SESTD1: variants seen among roughly 807,000 people sequenced by gnomAD.
The protein encoded by SESTD1 is SEC14 and spectrin domain containing 1.
SESTD1 carries 43 observed loss-of-function variants against 101.7 expected under a neutral mutation model. That is an observed-to-expected ratio of 0.42 (90% CI 0.33 to 0.55). The LOEUF (loss-of-function observed/expected upper bound fraction) is 0.55. Among genes scored for constraint, SESTD1 ranks in the 20% least tolerant of loss-of-function variants. SESTD1 has a pLI of 0.07. For missense variants in SESTD1, 647 were observed against 815.1 expected, an observed-to-expected ratio of 0.79 and a Z score of 2.51; for synonymous variants, 283 against 286.8, an observed-to-expected ratio of 0.99 and a Z score of 0.13.
intron 8 of SESTD1, among the ~76,000 whole-genome samples, chr2:179,145,103 C>T (rs1332794747): frequency 6.6e-6 from 1 of 152,034 alleles, no homozygotes; most frequent in Non-Finnish European, 1.5e-5. Flanking sequence ...TTATTTATTA[C>T]ATTTTATAAT....
intron 1 of SESTD1, among the ~76,000 whole-genome samples, chr2:179,207,314 C>T (rs2046603072): frequency 7.4e-6 from 1 of 135,294 alleles, no homozygotes; most frequent in Admixed American, 7.1e-5. Context: ...CAGAATAACC[C>T]TGCTCCAAAA....
chr2:179,192,966 T>C (rs1242598716), intron 1 of SESTD1, among the ~76,000 whole-genome samples: 2 of 152,152 alleles, frequency 1.3e-5, no homozygotes, highest in Non-Finnish European at 1.5e-5. Flanking sequence ...CTTGAAGACA[T>C]TTCTAGAACA....
intron 7 of SESTD1, among the ~76,000 whole-genome samples, chr2:179,148,953 G>C (rs980783654): frequency 6.0e-5 from 9 of 150,454 alleles, no homozygotes; most frequent in Non-Finnish European, 1.0e-4. Flanking sequence ...CCAGCTACTG[G>C]AGATGCTGAG....
At chr2:179,191,570 T>A (rs375997013) in intron 2 of SESTD1, among the ~76,000 whole-genome samples, 1 of 152,054 alleles carries the variant, frequency 6.6e-6, no homozygotes, top group African/African-American at 2.4e-5. Context: ...ATGTACCCCC[T>A]GAATCTAAAA....
At chr2:179,123,454 C>G (rs956022628) in intron 12 of SESTD1, among the ~76,000 whole-genome samples, 10 of 152,118 alleles carry the variant, frequency 6.6e-5, no homozygotes, top group Non-Finnish European at 1.3e-4. Flanking sequence ...ATATGCAAGA[C>G]ACAGCACCTG....
chr2:179,115,772 T>A (rs896050644), intron 15 of SESTD1, among the ~76,000 whole-genome samples: 2 of 151,932 alleles, frequency 1.3e-5, no homozygotes, highest in African/African-American at 4.8e-5. Context: ...TGTTTTAAAA[T>A]TTTTAATTAG....
intron 1 of SESTD1, among the ~76,000 whole-genome samples, chr2:179,245,855 G>A (rs2047222028): frequency 6.6e-6 from 1 of 152,118 alleles, no homozygotes; most frequent in African/African-American, 2.4e-5. Context: ...CATGTTAATA[G>A]AGTAGATTAA....
At chr2:179,116,274 A>T (rs967915308) in intron 15 of SESTD1, among the ~76,000 whole-genome samples, 1 of 119,388 alleles carries the variant, frequency 8.4e-6, no homozygotes, top group Non-Finnish European at 1.8e-5. Context: ...ACTGTGTCTT[A>T]AAAAAAAAAA....
intron 9 of SESTD1, among the ~76,000 whole-genome samples, chr2:179,135,473 G>T (rs182762106): frequency 1.3e-5 from 2 of 152,136 alleles, no homozygotes; most frequent in East Asian, 3.9e-4. Context: ...TAGAGAGAAG[G>T]CTAGGCACAG....
intron 1 of SESTD1, among the ~76,000 whole-genome samples, chr2:179,197,621 C>T (rs1352079091): frequency 1.6e-4 from 24 of 152,356 alleles, no homozygotes; most frequent in African/African-American, 5.5e-4. Context: ...TCTGCAGAAA[C>T]TCTACAAGCC....
At chr2:179,253,081 TAAAACTC>T (rs2047341779) in intron 1 of SESTD1, among the ~76,000 whole-genome samples, 1 of 151,998 alleles carries the variant, frequency 6.6e-6, no homozygotes, top group South Asian at 2.1e-4. Flanking sequence ...CTTCCAAACA[TAAAACTC>T]AAACATGGGA....
chr2:179,111,347 A>G (rs2044501750), intron 17 of SESTD1, among the ~76,000 whole-genome samples: 1 of 152,228 alleles, frequency 6.6e-6, no homozygotes. Context: ...AGATCATGGC[A>G]CAGTAGTAGC....
intron 1 of SESTD1, among the ~76,000 whole-genome samples, chr2:179,201,618 T>C (rs1324613222): frequency 7.9e-6 from 1 of 126,568 alleles, no homozygotes; most frequent in Non-Finnish European, 1.7e-5. Context: ...TTCATGTCCT[T>C]TGTAGGGACA....
At chr2:179,200,388 C>A (rs1319594028) in intron 1 of SESTD1, among the ~76,000 whole-genome samples, 3 of 152,030 alleles carry the variant, frequency 2.0e-5, no homozygotes, top group African/African-American at 4.8e-5. Context: ...ATCAAGCTAC[C>A]AATGACTTTC....
chr2:179,263,252 C>T (rs913843496), intron 1 of SESTD1, among the ~76,000 whole-genome samples: 2 of 152,130 alleles, frequency 1.3e-5, no homozygotes, highest in African/African-American at 2.4e-5. Context: ...TATTTTACTG[C>T]TCAAAGCTAA....
In SESTD1 at chr2:179,240,688, C is replaced by T. The variant is rs532460802; in HGVS notation, c.-26+23811G>A. Among the ~76,000 whole-genome samples the T allele has an allele frequency of 3.9e-5, 6 of 152,276 alleles. No homozygotes were observed. In the South Asian group the frequency reaches 1.2e-3, roughly 32 times the overall value. ...AAAATACACAAAACACTGGCCTCACCCTCACCCATGCCAGAAGGTCAAGTG... is the reference window on the plus strand; with the variant it reads ...AAAATACACAAAACACTGGCCTCACTCTCACCCATGCCAGAAGGTCAAGTG... On this transcript the variant is annotated intron_variant, in intron 1 of 17. Transcript: ENST00000428443.
At chr2:179,222,749 C>T (rs2046832054) in intron 1 of SESTD1, among the ~76,000 whole-genome samples, 1 of 152,066 alleles carries the variant, frequency 6.6e-6, no homozygotes, top group Non-Finnish European at 1.5e-5. Context: ...CTAACCTTTC[C>T]ATGTTGTAGA....
intron 1 of SESTD1, among the ~76,000 whole-genome samples, chr2:179,200,371 C>T (rs1374180163): frequency 2.6e-5 from 4 of 151,916 alleles, no homozygotes; most frequent in East Asian, 1.9e-4. Context: ...GATTCAATGC[C>T]ATCCCCATCA....
Position 179,133,297 on chromosome 2 carries a change from T to C in SESTD1, c.850-871A>G, listed in dbSNP as rs559946261. ...AAACTCAAGGATCCCCACCCCAAGT[T>C]ATGCCTTCCATCATATATTAATAAT... On this transcript the variant is annotated intron_variant, in intron 9 of 17. Transcript: ENST00000428443. Among the ~76,000 whole-genome samples the C allele has an allele frequency of 2.1e-3, 313 of 152,320 alleles. 1 individual carries two copies. Among genetic ancestry groups the C allele is most frequent in the South Asian group, 0.016 (79 of 4,830 alleles).
Sources: gnomAD v4.1 joint callset for allele counts (sites outside exome capture counted in the v4.1 genomes callset) on GRCh38, gnomAD v4.1.1 for gene constraint, MANE v1.5 for transcripts, NCBI Gene and HGNC (gene_info 2026-07-23, HGNC 2026-07-21) for gene names.